Variants in NDNF observed in about 807,000 individuals in gnomAD.
NDNF encodes protein NDNF.
Under a neutral mutation model 42.0 loss-of-function variants are expected in NDNF, and 16 were observed. The observed-to-expected ratio is 0.38, with a 90% CI of 0.26 to 0.58. The LOEUF (loss-of-function observed/expected upper bound fraction) is 0.58, where lower values mean the gene tolerates loss of function less well. Among genes scored for constraint, NDNF ranks in the 20% least tolerant of loss-of-function variants. The pLI, the probability that NDNF is intolerant of heterozygous loss-of-function variation, is 0.67. For missense variants in NDNF, 616 were observed against 666.2 expected, an observed-to-expected ratio of 0.92 and a Z score of 0.83; for synonymous variants, 248 against 251.7, an observed-to-expected ratio of 0.99 and a Z score of 0.14.
Position 121,045,738 on chromosome 4 carries a change from T to C in NDNF, c.100A>G (p.Ile34Val). ...TRDEELFQMQ[I>V]RDKAFFHDSS... Reference sequence around the variant, plus strand: ...TCATGAAAAAATGCCTTGTCCCGGATCTGCATCTGAAAAAGTTCCTCATCC... The same window carrying C: ...TCATGAAAAAATGCCTTGTCCCGGACCTGCATCTGAAAAAGTTCCTCATCC... Residue 34 changes from isoleucine (I) to valine (V), a missense_variant, in exon 2 of 4, where the codon ATC (isoleucine) becomes GTC (valine). Transcript: ENST00000379692. 1 of 1,614,142 alleles carries C rather than the reference T, an allele frequency of 6.2e-7. No homozygotes were observed. The highest frequency in any genetic ancestry group is 8.5e-7 in the Non-Finnish European group (1 of 1,180,036).
In NDNF at chr4:121,039,951, C is replaced by A. The variant is rs2148763484; in HGVS notation, c.292G>T (p.Asp98Tyr). ...TTACCTGAGCCTTCCCCGCTCCTGTCCTCTGGCAGCTCCTGGAGGCTCAGC... is the reference window on the plus strand; with the variant it reads ...TTACCTGAGCCTTCCCCGCTCCTGTACTCTGGCAGCTCCTGGAGGCTCAGC... ...WKLSLQELPE[D>Y]RSGEGSGDLE... The change falls in exon 3 of 4, where the codon GAC becomes TAC. Residue 98 changes from aspartate (D) to tyrosine (Y), a missense_variant. Coordinates refer to ENST00000379692, the MANE Select transcript of NDNF (RefSeq NM_024574.4). 6.2e-7 allele frequency: 1 copy of A among 1,614,050 alleles called. No individual in the cohort carries two copies. Among genetic ancestry groups the A allele is most frequent in the East Asian group, 2.2e-5 (1 of 44,868 alleles).
chr4:121,064,539 T>C (rs1472817587), intron 1 of NDNF, among the ~76,000 whole-genome samples: 1 of 152,188 alleles, frequency 6.6e-6, no homozygotes. Flanking sequence ...TGGGGCACAA[T>C]ATGCATTTAT....
At chr4:121,038,309 A>C (rs879333093) in intron 3 of NDNF, 3 of 151,756 alleles carry the variant, frequency 2.0e-5, no homozygotes, top group Non-Finnish European at 4.4e-5. Context: ...CTATGATTGC[A>C]CCACTGTGCT....
chr4:121,053,017 C>G (rs1434372742), intron 1 of NDNF, among the ~76,000 whole-genome samples: 1 of 152,156 alleles, frequency 6.6e-6, no homozygotes, highest in Non-Finnish European at 1.5e-5. Context: ...ATGCCAACTT[C>G]TACCCAACCC....
At chr4:121,059,917 G>A (rs62325235) in intron 1 of NDNF, among the ~76,000 whole-genome samples, 2 of 152,010 alleles carry the variant, frequency 1.3e-5, no homozygotes, top group Non-Finnish European at 1.5e-5. Flanking sequence ...TTCCAATCTC[G>A]TGATTCTCCT....
intron 1 of NDNF, among the ~76,000 whole-genome samples, chr4:121,064,562 A>T (rs1468898352): frequency 2.6e-5 from 4 of 152,200 alleles, no homozygotes; most frequent in Non-Finnish European, 5.9e-5. Flanking sequence ...ATAAAAGAGG[A>T]ATTATGAAAT....
rs370864164 is a variant in NDNF at position 121,037,274 on chromosome 4, C to T, written c.697G>A (p.Ala233Thr). 4.3e-6 allele frequency: 7 copies of T among 1,614,020 alleles called. No homozygotes were observed. Among genetic ancestry groups the T allele is most frequent in the East Asian group, 4.5e-5 (2 of 44,892 alleles). Reference protein sequence around the residue: ...SLCAVEAKLSADDAFMMAPKP... With the variant: ...SLCAVEAKLSTDDAFMMAPKP... ...GGTGCCATCATAAAAGCATCATCTG[C>T]ACTCAGTTTTGCTTCCACTGCACAG... is the stretch of plus-strand genomic sequence containing the variant. Residue 233 changes from alanine to threonine, a missense_variant, in exon 4 of 4, where the codon GCA becomes ACA. Coordinates refer to ENST00000379692, the MANE Select transcript of NDNF (RefSeq NM_024574.4).
chr4:121,069,478 C>T (rs753815257), intron 1 of NDNF, among the ~76,000 whole-genome samples: 42 of 152,278 alleles, frequency 2.8e-4, no homozygotes, highest in Non-Finnish European at 4.9e-4. Flanking sequence ...TTAAACCAAA[C>T]ATAATTCATA....
At chr4:121,052,988 G>T (rs1418812128) in intron 1 of NDNF, among the ~76,000 whole-genome samples, 1 of 152,156 alleles carries the variant, frequency 6.6e-6, no homozygotes, top group Non-Finnish European at 1.5e-5. Context: ...TGCTAGGTGA[G>T]CTCTCACTCT....
chr4:121,062,437 A>T (rs1255002359), intron 1 of NDNF, among the ~76,000 whole-genome samples: 1 of 152,194 alleles, frequency 6.6e-6, no homozygotes, highest in Non-Finnish European at 1.5e-5. Context: ...AGTTCCTGGG[A>T]TGTTCTGCAT....
intron 3 of NDNF, among the ~76,000 whole-genome samples, chr4:121,039,307 C>T (rs1316992064): frequency 6.8e-6 from 1 of 147,878 alleles, no homozygotes; most frequent in Admixed American, 6.8e-5. Flanking sequence ...ACCTATGATG[C>T]CCTTAAAGAG....
chr4:121,036,994 G>C lies in NDNF; in HGVS notation c.977C>G (p.Ala326Gly). Residue 326 changes from alanine to glycine, a missense_variant, in exon 4 of 4, where the codon GCT becomes GGT. Transcript: ENST00000379692. ...VVNINSNMST[A>G]YVGTFARTKE... is the part of the protein sequence containing the mutation. ...GGTCCTGGCAAAGGTACCTACATAAGCGGTGCTCATGTTGCTGTTGATGTT... is the reference window on the plus strand; with the variant it reads ...GGTCCTGGCAAAGGTACCTACATAACCGGTGCTCATGTTGCTGTTGATGTT... The C allele has an allele frequency of 6.2e-7, 1 of 1,613,952 alleles. No homozygotes were observed. The highest frequency in any genetic ancestry group is 8.5e-7 in the Non-Finnish European group (1 of 1,180,032).
intron 1 of NDNF, among the ~76,000 whole-genome samples, chr4:121,062,591 A>G (rs763521181): frequency 2.0e-5 from 3 of 152,258 alleles, no homozygotes; most frequent in Admixed American, 6.5e-5. Flanking sequence ...ACAATTAGAG[A>G]GATGACAAAC....
At chr4:121,067,942 TGGCACTGGCTTA>T (rs1468703953) in intron 1 of NDNF, among the ~76,000 whole-genome samples, 1 of 152,200 alleles carries the variant, frequency 6.6e-6, no homozygotes, top group African/African-American at 2.4e-5. Flanking sequence ...CACCTGCTTT[TGGCACTGGCTTA>T]GGCACTGGTA....
intron 1 of NDNF, among the ~76,000 whole-genome samples, chr4:121,053,215 A>T (rs1354576384): frequency 6.6e-6 from 1 of 152,218 alleles, no homozygotes; most frequent in Non-Finnish European, 1.5e-5. Context: ...TCTCTAAATG[A>T]CTGCCAACTT....
rs1481500594 is a variant in NDNF, at chr4:121,045,729, T to C, written c.109A>G (p.Lys37Glu). ...EELFQMQIRD[K>E]AFFHDSSVIP... Reference sequence around the variant, plus strand: ...ACTGACGAATCATGAAAAAATGCCTTGTCCCGGATCTGCATCTGAAAAAGT... The same window carrying C: ...ACTGACGAATCATGAAAAAATGCCTCGTCCCGGATCTGCATCTGAAAAAGT... Residue 37 changes from lysine (K) to glutamate (E), a missense_variant, in exon 2 of 4, where the codon AAG becomes GAG. Physicochemically the swap from Lys to Glu is moderately conservative, Grantham distance 56. Coordinates refer to ENST00000379692, the MANE Select transcript of NDNF (RefSeq NM_024574.4). The C allele has an allele frequency of 6.2e-7, 1 of 1,614,208 alleles. No individual in the cohort carries two copies. The highest frequency in any genetic ancestry group is 2.2e-5 in the East Asian group (1 of 44,884).
chr4:121,066,851 T>C (rs1727507560), intron 1 of NDNF, among the ~76,000 whole-genome samples: 1 of 152,214 alleles, frequency 6.6e-6, no homozygotes, highest in South Asian at 2.1e-4. Context: ...TGTTTTTAGA[T>C]TGTGGAATAT....
intron 1 of NDNF, among the ~76,000 whole-genome samples, chr4:121,048,925 A>G (rs950778148): frequency 6.6e-6 from 1 of 152,036 alleles, no homozygotes; most frequent in East Asian, 1.9e-4. Flanking sequence ...AGTTCTTTAT[A>G]TATATTATTT....
chr4:121,054,003 T>C (rs1727244134), intron 1 of NDNF, among the ~76,000 whole-genome samples: 2 of 152,200 alleles, frequency 1.3e-5, no homozygotes, highest in South Asian at 4.1e-4. Context: ...AGGTGAGGCA[T>C]GAATTGTTGT....
Sources: gnomAD v4.1 joint callset for allele counts (sites outside exome capture counted in the v4.1 genomes callset) on GRCh38, gnomAD v4.1.1 for gene constraint, MANE v1.5 for transcripts, NCBI Gene and HGNC (gene_info 2026-07-23, HGNC 2026-07-21) for gene names.